SLC9B1: variants seen among roughly 807,000 people sequenced by gnomAD.
SLC9B1 encodes solute carrier family 9 member B1, also known as sodium/hydrogen exchanger 9B1.
A neutral mutation model predicts 51.7 loss-of-function variants in SLC9B1; 32 were observed. The observed-to-expected ratio is 0.62, with a 90% confidence interval of 0.47 to 0.83. The LOEUF is 0.83. Ranked by LOEUF, SLC9B1 falls within the 40% of genes least tolerant of loss-of-function variation. The pLI, the probability that SLC9B1 is intolerant of heterozygous loss-of-function variation, is 0.00. For missense variants in SLC9B1, 406 were observed against 613.2 expected (o/e 0.66, Z 3.57); for synonymous variants, 145 against 212.7 (o/e 0.68, Z 2.77).
At chr4:102,996,576 T>C (rs1315236213) in intron 1 of SLC9B1, among the ~76,000 whole-genome samples, 1 of 152,198 alleles carries the variant, frequency 6.6e-6, no homozygotes, top group Non-Finnish European at 1.5e-5. Context: ...ATTTCATATA[T>C]GGGATGTGAG....
At chr4:103,016,903 C>T (rs1485688713) in intron 1 of SLC9B1, 1 of 152,244 alleles carries the variant, frequency 6.6e-6, no homozygotes, top group Non-Finnish European at 1.5e-5. Flanking sequence ...GGTAGTTTTC[C>T]ATATGCTGGT....
Position 102,949,369 on chromosome 4 carries a change from G to A in SLC9B1, c.270C>T (p.Leu90=). 6.2e-7 allele frequency: 1 copy of A among 1,610,380 alleles called. No individual in the cohort carries two copies. Among genetic ancestry groups the A allele is most frequent in the African/African-American group, 1.3e-5 (1 of 74,856 alleles). The change falls in exon 4 of 12, where the codon CTC becomes CTT. Residue 90 remains leucine, a synonymous_variant. Transcript: ENST00000296422. ...MTWSILGSEA[L]PGGNLFGLFI... is the part of the protein sequence containing the mutation. The stretch of plus-strand genomic sequence containing the variant: ...ACAACCCAAATAAATTTCCACCAGG[G>A]AGAGCTTCAGAGCCTAAGATTGACC...
At chr4:102,889,196 G>T (rs1734100516) in intron 11 of SLC9B1, 1 of 152,144 alleles carries the variant, frequency 6.6e-6, no homozygotes, top group South Asian at 2.1e-4. Context: ...GTCCAAAATT[G>T]TTCTTTCCTC....
intron 3 of SLC9B1, among the ~76,000 whole-genome samples, chr4:102,967,629 G>A (rs150438792): frequency 2.8e-4 from 43 of 152,188 alleles, no homozygotes; most frequent in Middle Eastern, 6.8e-3. Flanking sequence ...ATCCATTCCT[G>A]AGACAACTAA....
At chr4:102,972,249 C>T (rs1035322417) in intron 3 of SLC9B1, among the ~76,000 whole-genome samples, 1 of 152,154 alleles carries the variant, frequency 6.6e-6, no homozygotes, top group Non-Finnish European at 1.5e-5. Flanking sequence ...CAATAAAATA[C>T]AGGCAAACCG....
chr4:102,902,467 C>T (rs1289226033), intron 11 of SLC9B1, among the ~76,000 whole-genome samples: 1 of 151,962 alleles, frequency 6.6e-6, no homozygotes, highest in African/African-American at 2.4e-5. Context: ...ATGCAGAAAA[C>T]CAACTTGAAA....
At chr4:102,945,679 T>C (rs1273819097) in intron 5 of SLC9B1, among the ~76,000 whole-genome samples, 2 of 152,116 alleles carry the variant, frequency 1.3e-5, no homozygotes, top group Non-Finnish European at 2.9e-5. Context: ...TTTGATTAAC[T>C]TAATAAGTAT....
intron 7 of SLC9B1, among the ~76,000 whole-genome samples, chr4:102,915,001 C>T (rs907362311): frequency 1.3e-5 from 2 of 152,056 alleles, no homozygotes; most frequent in African/African-American, 4.8e-5. Context: ...ATCAAAGCAA[C>T]TTTTCACATA....
intron 6 of SLC9B1, among the ~76,000 whole-genome samples, chr4:102,934,606 T>A (rs535230060): frequency 6.6e-6 from 1 of 151,796 alleles, no homozygotes; most frequent in Non-Finnish European, 1.5e-5. Context: ...CTGGCCAACA[T>A]TGTGAAACCA....
intron 2 of SLC9B1, 133 bp downstream of exon 2, chr4:102,991,510 T>A (rs1006620422): frequency 3.7e-6 from 2 of 542,820 alleles, no homozygotes; most frequent in Non-Finnish European, 6.2e-6. Flanking sequence ...TACAACTAGC[T>A]ATTTTAAAAT....
intron 7 of SLC9B1, among the ~76,000 whole-genome samples, chr4:102,918,245 A>G (rs1263901300): frequency 6.6e-6 from 1 of 152,056 alleles, no homozygotes; most frequent in East Asian, 1.9e-4. Context: ...TTACAGAAAT[A>G]AAAAGGATTC....
chr4:102,974,244 A>AAAAAAT lies in SLC9B1; in HGVS notation c.211+15555_211+15556insATTTTT, dbSNP rs1553986444. Among the ~76,000 whole-genome samples, 161 of 122,190 alleles carry AAAAAAT rather than the reference A, an allele frequency of 1.3e-3. 7 individuals carry two copies. Among genetic ancestry groups the AAAAAAT allele is most frequent in the Non-Finnish European group, 2.2e-3 (133 of 59,234 alleles). The allele number at this position is 122,190 out of a possible 152,430, so 80.2% of individuals were successfully genotyped here. On this transcript the variant is annotated intron_variant, in intron 3 of 11. Coordinates refer to ENST00000296422, the MANE Select transcript of SLC9B1 (RefSeq NM_139173.4). ...AGAGCAAGACTCTGTCTAAAATTGA[A>AAAAAAT]AAAAAAAAAAAAAAAAAAAAAATCG...
intron 3 of SLC9B1, among the ~76,000 whole-genome samples, chr4:102,989,056 T>C (rs562830543): frequency 2.0e-5 from 3 of 152,092 alleles, no homozygotes; most frequent in Non-Finnish European, 4.4e-5. Context: ...AAAACTTTGA[T>C]TCAAGGCCAT....
At chr4:103,008,795 TTC>T (rs1491017646) in intron 1 of SLC9B1, among the ~76,000 whole-genome samples, 12,624 of 126,504 alleles carry the variant, frequency 0.1, 614 homozygotes, top group Admixed American at 0.13. Flanking sequence ...CTTTAACAGT[TTC>T]TTTTTTTTTT....
At chr4:102,982,577 A>G (rs1739415277) in intron 3 of SLC9B1, among the ~76,000 whole-genome samples, 1 of 152,102 alleles carries the variant, frequency 6.6e-6, no homozygotes, top group Non-Finnish European at 1.5e-5. Flanking sequence ...AGAGTTTTAT[A>G]GTTATTACTC....
intron 3 of SLC9B1, among the ~76,000 whole-genome samples, chr4:102,979,108 A>G (rs979004913): frequency 6.6e-6 from 1 of 152,228 alleles, no homozygotes; most frequent in African/African-American, 2.4e-5. Flanking sequence ...GGAATAAAAA[A>G]GCATTATAAT....
At chr4:102,888,005 C>T (rs1734022287) in intron 11 of SLC9B1, 1 of 153,288 alleles carries the variant, frequency 6.5e-6, no homozygotes, top group Non-Finnish European at 1.5e-5. Context: ...CATTGAGGAA[C>T]AGTTATTTAC....
chr4:102,903,981 A>G (rs1339945339), intron 11 of SLC9B1, among the ~76,000 whole-genome samples: 1 of 152,164 alleles, frequency 6.6e-6, no homozygotes, highest in Non-Finnish European at 1.5e-5. Flanking sequence ...AAAAACAATA[A>G]ATGTGCATTT....
chr4:102,909,810 ATTTG>A (rs1457529299), intron 9 of SLC9B1, among the ~76,000 whole-genome samples: 7 of 46,864 alleles, frequency 1.5e-4, no homozygotes, highest in East Asian at 4.4e-4. Flanking sequence ...TATTTTTATT[ATTTG>A]TTTGTTTATT....
Sources: gnomAD v4.1 joint callset for allele counts (sites outside exome capture counted in the v4.1 genomes callset) on GRCh38, gnomAD v4.1.1 for gene constraint, MANE v1.5 for transcripts, NCBI Gene and HGNC (gene_info 2026-07-23, HGNC 2026-07-21) for gene names.